PRKG1: variants seen among roughly 807,000 people sequenced by gnomAD.
PRKG1 encodes the protein cGMP-dependent protein kinase 1.
In PRKG1, 35 loss-of-function variants were observed where a neutral mutation model predicts 88.1. The ratio of observed to expected loss-of-function variants is 0.40; its 90% CI spans 0.30 to 0.53. The LOEUF (loss-of-function observed/expected upper bound fraction) is 0.53. PRKG1 is among the 20% of genes least tolerant of loss of function. PRKG1 has a pLI of 0.59. For synonymous variants in PRKG1, 303 were observed against 292.5 expected, an observed-to-expected ratio of 1.04 and a Z score of -0.37; for missense variants, 540 against 839.8, an observed-to-expected ratio of 0.64 and a Z score of 4.41.
At chr10:51,944,818 G>A (rs1055229210) in intron 5 of PRKG1, among the ~76,000 whole-genome samples, 3 of 152,046 alleles carry the variant, frequency 2.0e-5, no homozygotes, top group African/African-American at 7.3e-5. Context: ...TGGTCTGAGA[G>A]ATAGTTTGTT....
intron 5 of PRKG1, among the ~76,000 whole-genome samples, chr10:51,915,433 T>G (rs541092566): frequency 6.6e-6 from 1 of 152,360 alleles, no homozygotes; most frequent in South Asian, 2.1e-4. Flanking sequence ...TAACATGCTC[T>G]GAGTTTGGAA....
rs186564816 is a variant in PRKG1 at position 51,318,443 on chromosome 10, T to C, written c.479-149280T>C. On this transcript the variant is annotated intron_variant, in intron 2 of 17. Coordinates refer to ENST00000373980, the MANE Select transcript of PRKG1 (RefSeq NM_006258.4). ...CAAGGACTCAAATGGTATTGACTAGTATCATTATATGACACATTTTTCAAT... is the reference window on the plus strand; with the variant it reads ...CAAGGACTCAAATGGTATTGACTAGCATCATTATATGACACATTTTTCAAT... Among the ~76,000 whole-genome samples, 180 of 152,348 alleles carry C rather than the reference T, an allele frequency of 1.2e-3. 1 individual carries two copies. Among genetic ancestry groups the C allele is most frequent in the African/African-American group, 4.1e-3 (169 of 41,572 alleles).
intron 3 of PRKG1, among the ~76,000 whole-genome samples, chr10:51,688,131 T>C (rs1841041698): frequency 6.6e-6 from 1 of 152,204 alleles, no homozygotes; most frequent in Non-Finnish European, 1.5e-5. Context: ...GTTGTTGTCA[T>C]TGTTTTCACT....
chr10:52,212,259 G>A (rs1453913112), intron 9 of PRKG1, among the ~76,000 whole-genome samples: 1 of 152,154 alleles, frequency 6.6e-6, no homozygotes, highest in Non-Finnish European at 1.5e-5. Flanking sequence ...TTGAGCAATC[G>A]GCCACCAGTG....
chr10:51,097,767 T>C (rs1287322811), intron 1 of PRKG1, among the ~76,000 whole-genome samples: 2 of 152,172 alleles, frequency 1.3e-5, no homozygotes, highest in Non-Finnish European at 2.9e-5. Flanking sequence ...CAGTTGAATT[T>C]TACACTCAAC....
intron 8 of PRKG1, among the ~76,000 whole-genome samples, chr10:52,150,183 A>ATTATTATT (rs1554810291): frequency 3.5e-4 from 52 of 147,994 alleles, no homozygotes; most frequent in African/African-American, 1.2e-3. Context: ...TAATAATAAT[A>ATTATTATT]ATTTGATTGG....
chr10:51,811,879 C>T (rs1304706262), intron 4 of PRKG1, among the ~76,000 whole-genome samples: 6 of 152,178 alleles, frequency 3.9e-5, no homozygotes, highest in Non-Finnish European at 4.4e-5. Flanking sequence ...TTTAAGTTCT[C>T]ACCTGATGCT....
chr10:51,272,220 T>A (rs1214873178), intron 2 of PRKG1, among the ~76,000 whole-genome samples: 10 of 152,230 alleles, frequency 6.6e-5, no homozygotes, highest in African/African-American at 2.2e-4. Flanking sequence ...TGTCTTCTTT[T>A]GAAAAGTGTC....
chr10:52,214,262 G>A (rs966654627), intron 9 of PRKG1, among the ~76,000 whole-genome samples: 2 of 152,130 alleles, frequency 1.3e-5, no homozygotes, highest in Non-Finnish European at 2.9e-5. Context: ...AGAAAAGAAA[G>A]TAATAAGATT....
intron 9 of PRKG1, among the ~76,000 whole-genome samples, chr10:52,170,536 A>T (rs1046122007): frequency 6.6e-6 from 1 of 152,180 alleles, no homozygotes; most frequent in African/African-American, 2.4e-5. Flanking sequence ...TAAAAAAAGA[A>T]GTACCACAAT....
chr10:52,259,630 G>C (rs1393121948), intron 10 of PRKG1, among the ~76,000 whole-genome samples: 1 of 151,968 alleles, frequency 6.6e-6, no homozygotes, highest in Non-Finnish European at 1.5e-5. Flanking sequence ...AGCTTTTGTG[G>C]GCCAGGTAGT....
At chr10:51,041,311 AC>A (rs1203799258) in intron 1 of PRKG1, among the ~76,000 whole-genome samples, 1 of 151,182 alleles carries the variant, frequency 6.6e-6, no homozygotes, top group Non-Finnish European at 1.5e-5. Context: ...TTGGTGCTCT[AC>A]CCCATTGTAT....
chr10:52,089,540 T>C (rs1846998136), intron 7 of PRKG1, among the ~76,000 whole-genome samples: 1 of 152,150 alleles, frequency 6.6e-6, no homozygotes, highest in Non-Finnish European at 1.5e-5. Context: ...TAGAAAGATC[T>C]TACAAGATAT....
At chr10:52,127,017 G>C (rs928249114) in intron 7 of PRKG1, among the ~76,000 whole-genome samples, 23 of 152,088 alleles carry the variant, frequency 1.5e-4, no homozygotes, top group African/African-American at 5.3e-4. Flanking sequence ...GGATTAGAAG[G>C]GGGAGAGAGT....
intron 3 of PRKG1, among the ~76,000 whole-genome samples, chr10:51,731,965 G>A (rs944757635): frequency 6.6e-6 from 1 of 151,872 alleles, no homozygotes; most frequent in Non-Finnish European, 1.5e-5. Context: ...GGCCCCCTGG[G>A]GTCTTTCTCT....
At chr10:51,142,544 C>G (rs1302426958) in intron 1 of PRKG1, among the ~76,000 whole-genome samples, 1 of 151,640 alleles carries the variant, frequency 6.6e-6, no homozygotes, top group Non-Finnish European at 1.5e-5. Flanking sequence ...GAGAGAGAGA[C>G]AGAGATTATG....
chr10:51,717,444 G>A (rs972943392), intron 3 of PRKG1, among the ~76,000 whole-genome samples: 1 of 152,192 alleles, frequency 6.6e-6, no homozygotes, highest in Non-Finnish European at 1.5e-5. Context: ...CTGATTTAAT[G>A]TAAAGGTGGC....
intron 2 of PRKG1, among the ~76,000 whole-genome samples, chr10:51,354,080 T>C (rs1401997680): frequency 1.3e-5 from 2 of 152,032 alleles, no homozygotes; most frequent in Admixed American, 1.3e-4. Flanking sequence ...ACTTATTTGT[T>C]GCTTCTAAAT....
intron 2 of PRKG1, among the ~76,000 whole-genome samples, chr10:51,265,780 G>A (rs1205450618): frequency 3.9e-5 from 6 of 152,136 alleles, no homozygotes; most frequent in Non-Finnish European, 5.9e-5. Flanking sequence ...AGGGACAATT[G>A]AGTTGGTATT....
Sources: gnomAD v4.1 joint callset for allele counts (sites outside exome capture counted in the v4.1 genomes callset) on GRCh38, gnomAD v4.1.1 for gene constraint, MANE v1.5 for transcripts, NCBI Gene and HGNC (gene_info 2026-07-23, HGNC 2026-07-21) for gene names.